AQR: variants seen among roughly 807,000 people sequenced by gnomAD.
AQR encodes RNA helicase aquarius.
Under a neutral mutation model 180.5 loss-of-function variants are expected in AQR, and 61 were observed. The ratio of observed to expected loss-of-function variants is 0.34; its 90% CI spans 0.28 to 0.42. The LOEUF (loss-of-function observed/expected upper bound fraction) is 0.42, where lower values mean the gene tolerates loss of function less well. Among genes scored for constraint, AQR ranks in the 10% least tolerant of loss-of-function variants. AQR has a pLI of 1.00. For synonymous variants in AQR, 551 were observed against 588.8 expected (o/e 0.94, Z 0.93); for missense variants, 1,281 against 1,798.3 (o/e 0.71, Z 5.20).
chr15:34,860,242 T>C, intron 33 of AQR, 87 bp from the exon 34 acceptor site: 1 of 564,396 alleles, frequency 1.8e-6, no homozygotes, highest in Non-Finnish European at 2.8e-6. Context: ...CTTAATCTTA[T>C]GAATAAGCAC....
chr15:34,874,981 T>C (rs1342028996), intron 28 of AQR, 117 bp from the exon 29 acceptor site: 9 of 945,540 alleles, frequency 9.5e-6, no homozygotes, highest in East Asian at 2.7e-5. Context: ...ATTACCAAAC[T>C]TTACCAGCTC....
At chr15:34,965,232 G>T (rs2050304083) in intron 1 of AQR, among the ~76,000 whole-genome samples, 1 of 151,968 alleles carries the variant, frequency 6.6e-6, no homozygotes, top group Non-Finnish European at 1.5e-5. Context: ...CATTTAATTG[G>T]AATACTTAAG....
At position 34,969,658 on chromosome 15, in the gene AQR, C is replaced by A; in HGVS notation, c.-45G>T. 1 of 1,596,338 alleles carries A rather than the reference C, an allele frequency of 6.3e-7. No individual in the cohort carries two copies. ...CTCCAGTGGAAACTAAAGGACCGCT[C>A]TGGGCAGCGGCAACCCTGGTCCACT... On this transcript the variant is annotated 5_prime_UTR_variant, in exon 1 of 35. Coordinates refer to ENST00000156471, the MANE Select transcript of AQR (RefSeq NM_014691.3).
intron 9 of AQR, among the ~76,000 whole-genome samples, chr15:34,937,486 T>G (rs1893961695): frequency 1.3e-5 from 2 of 152,380 alleles, no homozygotes; most frequent in South Asian, 4.1e-4. Context: ...TCCATTGTGT[T>G]TTTTTAAAAG....
At chr15:34,934,131 A>AAAAGAAAAGAAAAGAAGAAAAGG (rs1212975294) in intron 10 of AQR, among the ~76,000 whole-genome samples, 2 of 151,906 alleles carry the variant, frequency 1.3e-5, no homozygotes, top group African/African-American at 4.8e-5. Flanking sequence ...CATCTCAAAG[A>AAAAGAAAAGAAAAGAAGAAAAGG]AAAGAAAAGA....
At chr15:34,948,753 C>T (rs1260981533) in intron 4 of AQR, among the ~76,000 whole-genome samples, 6 of 150,060 alleles carry the variant, frequency 4.0e-5, no homozygotes, top group South Asian at 4.2e-4. Flanking sequence ...GCTGAGATTG[C>T]GCCACTACAC....
intron 5 of AQR, among the ~76,000 whole-genome samples, chr15:34,945,205 T>A (rs188417845): frequency 3.3e-4 from 51 of 152,336 alleles, no homozygotes; most frequent in Non-Finnish European, 5.7e-4. Flanking sequence ...CTCTCAAACC[T>A]TAGATTCCTC....
In AQR at chr15:34,862,878, T is replaced by A. The variant is rs555239193; in HGVS notation, c.4018A>T (p.Thr1340Ser). ...GAAAGAAGTCCTACCTTTCTAGTAG[T>A]TGGGAAAGGTTCTGTTGGAATTATA... ...LHIIPTEPFP[T>S]TRKNGERPSH... Residue 1340 changes from threonine to serine, a missense_variant, in exon 33 of 35, where the codon ACT becomes TCT. Thr to Ser is a moderately conservative substitution (Grantham distance 58). Around this residue, in one of 9 missense-constraint regions of AQR, gnomAD observed 182 missense variants for 185.3 expected, o/e 0.98. Coordinates refer to ENST00000156471, the MANE Select transcript of AQR (RefSeq NM_014691.3). The A allele has an allele frequency of 8.7e-6, 14 of 1,613,400 alleles. No individual in the cohort carries two copies. The highest frequency in any genetic ancestry group is 1.1e-5 in the Non-Finnish European group (13 of 1,179,602).
chr15:34,933,461 T>G (rs1407007491), intron 10 of AQR, among the ~76,000 whole-genome samples: 1 of 33,372 alleles, frequency 3.0e-5, no homozygotes, highest in African/African-American at 4.3e-5. Flanking sequence ...TATGAAATCT[T>G]TTTTTTTTTT....
At chr15:34,894,347 A>G (rs947878611) in intron 22 of AQR, among the ~76,000 whole-genome samples, 3 of 152,222 alleles carry the variant, frequency 2.0e-5, no homozygotes, top group Non-Finnish European at 4.4e-5. Flanking sequence ...AGGAAGTGTA[A>G]TAACATTTAA....
intron 5 of AQR, among the ~76,000 whole-genome samples, chr15:34,946,581 G>C (rs1430473096): frequency 2.0e-5 from 3 of 148,578 alleles, no homozygotes; most frequent in Admixed American, 2.0e-4. Context: ...AGGGAGGTGG[G>C]GGGGGTCAGC....
chr15:34,869,303 G>A (rs1892781664), intron 31 of AQR: 1 of 151,422 alleles, frequency 6.6e-6, no homozygotes, highest in African/African-American at 2.5e-5. Context: ...CTACCTGTAG[G>A]TCTTCCTTAT....
chr15:34,879,409 C>T (rs912107544), intron 27 of AQR, among the ~76,000 whole-genome samples: 1 of 152,214 alleles, frequency 6.6e-6, no homozygotes, highest in African/African-American at 2.4e-5. Context: ...AGAATCTACA[C>T]ATGCCATCCA....
intron 23 of AQR, among the ~76,000 whole-genome samples, chr15:34,891,845 AAT>A (rs1431219176): frequency 1.3e-5 from 2 of 152,154 alleles, no homozygotes; most frequent in Non-Finnish European, 1.5e-5. Context: ...CATTATGTCC[AAT>A]ATGTTATGTA....
chr15:34,943,214 G>A (rs1458345969), intron 6 of AQR: 1 of 1,610,634 alleles, frequency 6.2e-7, no homozygotes, highest in African/African-American at 1.3e-5. Flanking sequence ...ACAGGAAGCA[G>A]AGTGGCTATG....
At chr15:34,915,943 T>C (rs1317328616) in intron 15 of AQR, among the ~76,000 whole-genome samples, 1 of 150,048 alleles carries the variant, frequency 6.7e-6, no homozygotes, top group Non-Finnish European at 1.5e-5. Flanking sequence ...CAAAACTCCG[T>C]CTCAAATAAA....
chr15:34,957,999 G>C (rs1894349907), intron 3 of AQR, among the ~76,000 whole-genome samples: 1 of 151,328 alleles, frequency 6.6e-6, no homozygotes, highest in Non-Finnish European at 1.5e-5. Flanking sequence ...ACAAGGTCGG[G>C]AGATCGAGAC....
At chr15:34,893,327 T>C (rs190098720) in intron 23 of AQR, among the ~76,000 whole-genome samples, 245 of 152,146 alleles carry the variant, frequency 1.6e-3, no homozygotes, top group African/African-American at 5.6e-3. Flanking sequence ...ACTTAAGCTT[T>C]TCTAAATATG....
chr15:34,860,272 T>A, intron 33 of AQR, 117 bp from the exon 34 acceptor site: 1 of 433,686 alleles, frequency 2.3e-6, no homozygotes, highest in Non-Finnish European at 4.0e-6. Flanking sequence ...CTGGAAGACC[T>A]AACAGTAAGA....
Sources: gnomAD v4.1 joint callset for allele counts (sites outside exome capture counted in the v4.1 genomes callset) on GRCh38, gnomAD v4.1.1 for gene constraint, gnomAD v4.1.1 regional missense constraint, MANE v1.5 for transcripts, NCBI Gene and HGNC (gene_info 2026-07-23, HGNC 2026-07-21) for gene names.